Variants in CNTN5 observed in about 807,000 individuals in gnomAD.
CNTN5 encodes contactin 5, also known as contactin-5.
CNTN5 carries 77 observed loss-of-function variants against 129.1 expected under a neutral mutation model. The observed-to-expected ratio is 0.60, with a 90% CI of 0.50 to 0.72. The LOEUF (loss-of-function observed/expected upper bound fraction) is 0.72. Ranked by LOEUF, CNTN5 falls within the 30% of genes least tolerant of loss-of-function variation. The probability of loss-of-function intolerance (pLI) is 0.00; values close to 1 mark genes in which losing one functional copy is unlikely to be tolerated. For missense variants in CNTN5, 1,478 were observed against 1,328.8 expected (o/e 1.11, Z -1.75); for synonymous variants, 509 against 465.6 (o/e 1.09, Z -1.20).
intron 1 of CNTN5, among the ~76,000 whole-genome samples, chr11:99,065,846 C>T (rs1279777245): frequency 6.6e-6 from 1 of 151,914 alleles, no homozygotes; most frequent in Non-Finnish European, 1.5e-5. Flanking sequence ...ATGTTGGACA[C>T]ATTTTAAAAC....
At chr11:99,899,010 A>C (rs1284617014) in intron 6 of CNTN5, among the ~76,000 whole-genome samples, 1 of 151,968 alleles carries the variant, frequency 6.6e-6, no homozygotes, top group Non-Finnish European at 1.5e-5. Context: ...TGAGATCTTA[A>C]TTTGGTTCTC....
chr11:100,043,870 G>A (rs1484722563), intron 9 of CNTN5, among the ~76,000 whole-genome samples: 2 of 152,020 alleles, frequency 1.3e-5, no homozygotes, highest in Admixed American at 1.3e-4. Flanking sequence ...AATTCCTTGA[G>A]TTATTACAGC....
chr11:99,457,010 C>A (rs1944521007), intron 2 of CNTN5, among the ~76,000 whole-genome samples: 1 of 151,908 alleles, frequency 6.6e-6, no homozygotes, highest in Non-Finnish European at 1.5e-5. Flanking sequence ...ACCAGCAAGG[C>A]CCTTGCCCTA....
chr11:99,469,600 A>G (rs1422520959), intron 2 of CNTN5, among the ~76,000 whole-genome samples: 1 of 152,136 alleles, frequency 6.6e-6, no homozygotes, highest in African/African-American at 2.4e-5. Flanking sequence ...TGCACGTTGT[A>G]TGCATACTAT....
intron 24 of CNTN5, among the ~76,000 whole-genome samples, chr11:100,352,806 T>A (rs1952446276): frequency 6.6e-6 from 1 of 151,752 alleles, no homozygotes; most frequent in African/African-American, 2.4e-5. Context: ...ACTGTTCAGA[T>A]GAAGGCTGAA....
chr11:99,682,652 CA>C lies in CNTN5; in HGVS notation c.55+126385del, dbSNP rs531537172. Among the ~76,000 whole-genome samples, 5 of 151,862 alleles carry C rather than the reference CA, an allele frequency of 3.3e-5. No homozygotes were observed. The East Asian group carries it at 9.7e-4, about 29-fold the overall frequency. The stretch of plus-strand genomic sequence containing the variant: ...TGTAATAGGTTGAACTCACCTATTA[CA>C]ATAAAAAGATTTTAAAATTGGCACA... On this transcript the variant is annotated intron_variant, in intron 3 of 24. Coordinates refer to ENST00000524871, the MANE Select transcript of CNTN5 (RefSeq NM_014361.4).
intron 1 of CNTN5, among the ~76,000 whole-genome samples, chr11:99,132,822 A>T (rs890421300): frequency 6.6e-6 from 1 of 152,218 alleles, no homozygotes; most frequent in Non-Finnish European, 1.5e-5. Context: ...GAAAATTGTC[A>T]TATTGCCCAA....
At position 99,129,134 on chromosome 11, in the gene CNTN5, G is replaced by T. The variant is rs536231252; in HGVS notation, c.-210+107864G>T. On this transcript the variant is annotated intron_variant, in intron 1 of 24. Transcript: ENST00000524871. ...AACTGACAGAAGTAGGCTTCGGAAA[G>T]TGGATAATAATAAACTTCGCTGAAC... Among the ~76,000 whole-genome samples the T allele has an allele frequency of 5.9e-5, 9 of 152,302 alleles. No homozygotes were observed. In the East Asian group the frequency reaches 1.5e-3, roughly 26 times the overall value.
intron 1 of CNTN5, among the ~76,000 whole-genome samples, chr11:99,195,333 T>A (rs963013083): frequency 4.0e-4 from 61 of 152,098 alleles, no homozygotes; most frequent in Non-Finnish European, 6.9e-4. Context: ...CATTTACCTA[T>A]TTTTTCTTAA....
chr11:99,597,756 A>T (rs1181284013), intron 3 of CNTN5, among the ~76,000 whole-genome samples: 1 of 152,154 alleles, frequency 6.6e-6, no homozygotes, highest in Non-Finnish European at 1.5e-5. Flanking sequence ...CAGGGTACCA[A>T]GAATTCTACA....
intron 3 of CNTN5, among the ~76,000 whole-genome samples, chr11:99,566,281 C>T (rs1690800): frequency 0.97 from 147,989 of 152,212 alleles, 72,080 homozygotes; most frequent in East Asian, 1. Context: ...ACCAGCTCCT[C>T]TTGCTTTCTG....
At chr11:100,311,822 C>T (rs921185370) in intron 21 of CNTN5, among the ~76,000 whole-genome samples, 9 of 151,922 alleles carry the variant, frequency 5.9e-5, no homozygotes, top group African/African-American at 2.2e-4. Context: ...ATAATGAAGG[C>T]TTAACTGGAG....
At chr11:99,834,551 A>G (rs763570023) in intron 4 of CNTN5, among the ~76,000 whole-genome samples, 8 of 152,118 alleles carry the variant, frequency 5.3e-5, no homozygotes, top group Non-Finnish European at 1.0e-4. Flanking sequence ...TTTTACAGCA[A>G]ACGATTGCAC....
intron 3 of CNTN5, among the ~76,000 whole-genome samples, chr11:99,775,266 C>T (rs757980806): frequency 5.3e-5 from 8 of 151,922 alleles, no homozygotes; most frequent in East Asian, 1.9e-4. Flanking sequence ...TTTTTTAATA[C>T]GGTCATTTTC....
rs537791305 is a variant in CNTN5 at position 99,280,135 on chromosome 11, T to G, written c.-209-45211T>G. ...TTATGAAATGTATTTATATACCTACTTTATTTTAGGTTCTGAGCTGAACAC... is the reference window on the plus strand; with the variant it reads ...TTATGAAATGTATTTATATACCTACGTTATTTTAGGTTCTGAGCTGAACAC... On this transcript the variant is annotated intron_variant, in intron 1 of 24. Coordinates refer to ENST00000524871, the MANE Select transcript of CNTN5 (RefSeq NM_014361.4). Among the ~76,000 whole-genome samples, 288 of 151,938 alleles carry G rather than the reference T, an allele frequency of 1.9e-3. 1 individual carries two copies. Among genetic ancestry groups the G allele is most frequent in the African/African-American group, 6.8e-3 (284 of 41,504 alleles).
At chr11:99,437,043 A>G (rs1403012331) in intron 2 of CNTN5, among the ~76,000 whole-genome samples, 1 of 152,214 alleles carries the variant, frequency 6.6e-6, no homozygotes, top group African/African-American at 2.4e-5. Context: ...TACTCAGCCT[A>G]ATAGGCATCT....
intron 3 of CNTN5, among the ~76,000 whole-genome samples, chr11:99,722,055 T>C (rs1385358267): frequency 1.3e-5 from 2 of 152,150 alleles, no homozygotes; most frequent in African/African-American, 2.4e-5. Context: ...AGTTCACCCA[T>C]TGTGGGAAAG....
At chr11:99,267,241 G>A (rs538908398) in intron 1 of CNTN5, among the ~76,000 whole-genome samples, 3 of 152,166 alleles carry the variant, frequency 2.0e-5, no homozygotes, top group African/African-American at 7.2e-5. Flanking sequence ...GTTGTTCATA[G>A]AAAATGCAAA....
At chr11:99,981,101 T>TATATATATATATATATATAC (rs1287784496) in intron 8 of CNTN5, among the ~76,000 whole-genome samples, 1 of 61,292 alleles carries the variant, frequency 1.6e-5, no homozygotes, top group Non-Finnish European at 3.2e-5. Context: ...TATATATATA[T>TATATATATATATATATATAC]ATACACACAC....
Sources: allele counts gnomAD v4.1 joint callset (sites outside exome capture counted in the v4.1 genomes callset), GRCh38; gene constraint gnomAD v4.1.1; transcripts MANE v1.5; gene names NCBI Gene and HGNC (gene_info 2026-07-23, HGNC 2026-07-21).